PTPRD: variants seen among roughly 807,000 people sequenced by gnomAD.
The protein encoded by PTPRD is receptor-type tyrosine-protein phosphatase delta.
In PTPRD, 34 loss-of-function variants were observed where a neutral mutation model predicts 214.5. The ratio of observed to expected loss-of-function variants is 0.16; its 90% CI spans 0.12 to 0.21. PTPRD has a LOEUF of 0.21. PTPRD is among the 10% of genes least tolerant of loss of function. The probability of loss-of-function intolerance (pLI) is 1.00; values close to 1 mark genes in which losing one functional copy is unlikely to be tolerated. For synonymous variants in PTPRD, 1,128 were observed against 845.7 expected (o/e 1.33, Z -5.79); for missense variants, 2,545 against 2,398.7 (o/e 1.06, Z -1.27).
At chr9:8,874,791 G>A (rs2098362966) in intron 11 of PTPRD, among the ~76,000 whole-genome samples, 1 of 152,172 alleles carries the variant, frequency 6.6e-6, no homozygotes. Context: ...GCAGAGCATG[G>A]CAAATCACTT....
Position 9,751,498 on chromosome 9 carries a change from C to T in PTPRD, c.-326+15312G>A, listed in dbSNP as rs1290905961. ...CCTCAAAAAAGGTGTGTCTGAAGTC[C>T]TAACCACCAGTACCTCAGAATGTGA... On this transcript the variant is annotated intron_variant, in intron 6 of 45. Transcript: ENST00000381196. Among the ~76,000 whole-genome samples the T allele has an allele frequency of 2.6e-5, 4 of 152,060 alleles. No homozygotes were observed. The East Asian group carries it at 5.8e-4, about 22-fold the overall frequency.
intron 3 of PTPRD, among the ~76,000 whole-genome samples, chr9:10,198,703 A>G (rs1311274996): frequency 6.6e-6 from 1 of 152,142 alleles, no homozygotes; most frequent in African/African-American, 2.4e-5. Flanking sequence ...TTAATATCAT[A>G]CCTATTCTGC....
chr9:10,089,775 A>G (rs2098406638), intron 3 of PTPRD, among the ~76,000 whole-genome samples: 1 of 151,668 alleles, frequency 6.6e-6, no homozygotes, highest in Non-Finnish European at 1.5e-5. Context: ...TAACTTCTCT[A>G]CATATATTAA....
chr9:9,377,769 A>G (rs1341134924), intron 9 of PTPRD, among the ~76,000 whole-genome samples: 1 of 152,064 alleles, frequency 6.6e-6, no homozygotes, highest in Non-Finnish European at 1.5e-5. Context: ...GGGGTGGTAA[A>G]AGTAGCTACA....
intron 39 of PTPRD, among the ~76,000 whole-genome samples, chr9:8,342,688 G>A (rs867458171): frequency 6.6e-6 from 1 of 151,940 alleles, no homozygotes; most frequent in Non-Finnish European, 1.5e-5. Context: ...TTCATTTATT[G>A]TCCATCCCTC....
At chr9:10,510,263 C>T (rs1005936358) in intron 2 of PTPRD, among the ~76,000 whole-genome samples, 7 of 152,190 alleles carry the variant, frequency 4.6e-5, no homozygotes, top group Admixed American at 3.3e-4. Context: ...ATCGTTTTGT[C>T]ACAGCCTGCA....
chr9:10,345,473 T>A (rs1408378556), intron 2 of PTPRD, among the ~76,000 whole-genome samples: 3 of 149,996 alleles, frequency 2.0e-5, no homozygotes, highest in Non-Finnish European at 4.4e-5. Context: ...TGCCCATTTG[T>A]TCTCATTGTT....
At chr9:9,196,819 C>A (rs1191862137) in intron 9 of PTPRD, among the ~76,000 whole-genome samples, 1 of 152,108 alleles carries the variant, frequency 6.6e-6, no homozygotes, top group Non-Finnish European at 1.5e-5. Context: ...CTGATAAGGA[C>A]CTGGCCTGCT....
At chr9:10,444,678 C>G (rs1479808525) in intron 2 of PTPRD, among the ~76,000 whole-genome samples, 1 of 151,312 alleles carries the variant, frequency 6.6e-6, no homozygotes, top group Non-Finnish European at 1.5e-5. Flanking sequence ...TTTGGAAACT[C>G]TTATGATTCC....
intron 8 of PTPRD, among the ~76,000 whole-genome samples, chr9:9,536,230 G>C (rs1235245984): frequency 2.0e-5 from 3 of 151,882 alleles, no homozygotes; most frequent in East Asian, 3.9e-4. Context: ...TTAAGGACAG[G>C]GAATCTTATT....
At chr9:9,885,337 G>A (rs1219590920) in intron 5 of PTPRD, among the ~76,000 whole-genome samples, 1 of 152,050 alleles carries the variant, frequency 6.6e-6, no homozygotes, top group Non-Finnish European at 1.5e-5. Context: ...TTGTTAAGAT[G>A]TAAGAAAGAT....
chr9:9,497,734 C>G (rs1299072858), intron 8 of PTPRD, among the ~76,000 whole-genome samples: 2 of 151,998 alleles, frequency 1.3e-5, no homozygotes, highest in African/African-American at 4.8e-5. Flanking sequence ...AAATGTGTAG[C>G]ACAGTACAAG....
intron 11 of PTPRD, among the ~76,000 whole-genome samples, chr9:8,939,522 C>A (rs750576533): frequency 6.6e-6 from 1 of 152,050 alleles, no homozygotes; most frequent in Admixed American, 6.6e-5. Context: ...TATAGCATTG[C>A]TGCAGACAAT....
At chr9:9,902,297 T>C (rs914094607) in intron 5 of PTPRD, among the ~76,000 whole-genome samples, 1 of 152,196 alleles carries the variant, frequency 6.6e-6, no homozygotes, top group Non-Finnish European at 1.5e-5. Flanking sequence ...TCTTTGTGAA[T>C]ACTTAAATAA....
chr9:9,259,720 A>G (rs2099979262), intron 9 of PTPRD, among the ~76,000 whole-genome samples: 1 of 151,918 alleles, frequency 6.6e-6, no homozygotes, highest in Admixed American at 6.6e-5. Flanking sequence ...GACAATTATC[A>G]CCAATAAACT....
Position 9,480,466 on chromosome 9 carries a change from A to C in PTPRD, c.-236-82984T>G, listed in dbSNP as rs181834919. 3.6e-3 allele frequency among the ~76,000 whole-genome samples: 551 copies of C among 152,334 alleles called. 3 individuals are homozygous for C. Among genetic ancestry groups the C allele is most frequent in the African/African-American group, 0.013 (525 of 41,586 alleles). On this transcript the variant is annotated intron_variant, in intron 8 of 45. Transcript: ENST00000381196. The stretch of plus-strand genomic sequence containing the variant: ...ACAATGAAAGCTTATACATTCAAGA[A>C]GTTATATGCAAGGCAATAAAACTGA...
intron 10 of PTPRD, among the ~76,000 whole-genome samples, chr9:9,060,256 TAG>T (rs1206658792): frequency 6.6e-6 from 1 of 152,214 alleles, no homozygotes; most frequent in African/African-American, 2.4e-5. Flanking sequence ...CATGCAAACA[TAG>T]AGAGTTGATT....
chr9:9,567,200 A>G (rs1159214732), intron 8 of PTPRD, among the ~76,000 whole-genome samples: 4 of 151,914 alleles, frequency 2.6e-5, no homozygotes, highest in South Asian at 4.1e-4. Context: ...CTGTCAGTCA[A>G]AGGTGTGTGA....
At chr9:8,512,780 A>T (rs558613850) in intron 21 of PTPRD, among the ~76,000 whole-genome samples, 1 of 152,142 alleles carries the variant, frequency 6.6e-6, no homozygotes, top group African/African-American at 2.4e-5. Context: ...CATGCTTTCT[A>T]AATACAGTTC....
Sources: allele counts gnomAD v4.1 joint callset (sites outside exome capture counted in the v4.1 genomes callset), GRCh38; gene constraint gnomAD v4.1.1; transcripts MANE v1.5; gene names NCBI Gene and HGNC (gene_info 2026-07-23, HGNC 2026-07-21).